The following ASTN2 variants were observed in gnomAD, a reference collection of about 807,000 sequenced individuals.
ASTN2 encodes astrotactin 2.
ASTN2 carries 54 observed loss-of-function variants against 139.8 expected under a neutral mutation model. That is an observed-to-expected ratio of 0.39 (90% confidence interval 0.31 to 0.48). The LOEUF is 0.48. ASTN2 is among the 20% of genes least tolerant of loss of function. ASTN2 has a pLI of 0.95. For synonymous variants in ASTN2, 756 were observed against 719.5 expected (o/e 1.05, Z -0.81); for missense variants, 1,565 against 1,725.1 (o/e 0.91, Z 1.64).
chr9:116,535,521 T>A (rs2119317531), intron 19 of ASTN2, among the ~76,000 whole-genome samples: 1 of 152,306 alleles, frequency 6.6e-6, no homozygotes. Context: ...GTTTAGTTCT[T>A]CCTTCAGGAG....
chr9:116,478,561 C>G (rs1849066487), intron 20 of ASTN2, among the ~76,000 whole-genome samples: 1 of 152,244 alleles, frequency 6.6e-6, no homozygotes, highest in South Asian at 2.1e-4. Context: ...GCCCACTGAG[C>G]AGGTTGGGTC....
At chr9:116,623,427 C>G (rs930654986) in intron 17 of ASTN2, among the ~76,000 whole-genome samples, 1 of 152,078 alleles carries the variant, frequency 6.6e-6, no homozygotes, top group African/African-American at 2.4e-5. Context: ...GATAAAAGGC[C>G]AGCATCAAAC....
At chr9:116,643,124 G>A (rs180772356) in intron 17 of ASTN2, among the ~76,000 whole-genome samples, 1 of 152,286 alleles carries the variant, frequency 6.6e-6, no homozygotes, top group Admixed American at 6.5e-5. Flanking sequence ...CAAATGTGTT[G>A]TAGGGGGACA....
intron 3 of ASTN2, among the ~76,000 whole-genome samples, chr9:117,195,282 A>G (rs1420085698): frequency 1.3e-5 from 2 of 152,188 alleles, no homozygotes; most frequent in East Asian, 3.9e-4. Flanking sequence ...AGATTGGGGA[A>G]GGAAAGAGGG....
chr9:117,321,180 G>A (rs949927684), intron 1 of ASTN2, among the ~76,000 whole-genome samples: 6 of 152,224 alleles, frequency 3.9e-5, no homozygotes, highest in African/African-American at 1.2e-4. Context: ...TTGAACAGTG[G>A]CTGTCATACA....
intron 3 of ASTN2, among the ~76,000 whole-genome samples, chr9:117,170,636 T>C (rs1471381053): frequency 6.6e-6 from 1 of 152,016 alleles, no homozygotes; most frequent in East Asian, 1.9e-4. Flanking sequence ...GGAGACCTTA[T>C]GGGGAAAGTA....
chr9:116,954,409 T>C (rs1490175936), intron 10 of ASTN2, among the ~76,000 whole-genome samples: 1 of 152,186 alleles, frequency 6.6e-6, no homozygotes. Flanking sequence ...ATAATCTACA[T>C]TTCAAATAAG....
intron 19 of ASTN2, among the ~76,000 whole-genome samples, chr9:116,617,965 C>G (rs983392255): frequency 2.0e-5 from 3 of 152,172 alleles, no homozygotes; most frequent in Non-Finnish European, 4.4e-5. Flanking sequence ...GTGTGAATTT[C>G]CTTACCTCAG....
intron 19 of ASTN2, among the ~76,000 whole-genome samples, chr9:116,586,621 T>C (rs749109950): frequency 6.6e-6 from 1 of 151,820 alleles, no homozygotes; most frequent in South Asian, 2.1e-4. Context: ...ATAGCAACAA[T>C]AGACACTGGG....
intron 13 of ASTN2, among the ~76,000 whole-genome samples, chr9:116,739,299 A>C (rs977402071): frequency 1.3e-5 from 2 of 152,150 alleles, no homozygotes; most frequent in Non-Finnish European, 2.9e-5. Context: ...TGTTGCATTG[A>C]GGTCTACAAG....
At chr9:116,557,266 G>A (rs1852680033) in intron 19 of ASTN2, among the ~76,000 whole-genome samples, 2 of 143,774 alleles carry the variant, frequency 1.4e-5, no homozygotes, top group Admixed American at 1.4e-4. Flanking sequence ...AAAAAATTCA[G>A]TGATATAGTG....
rs186497781 is a variant in ASTN2 at position 117,163,105 on chromosome 9, G to A, written c.1016-21627C>T. On this transcript the variant is annotated intron_variant, in intron 3 of 22. Transcript: ENST00000313400. The stretch of plus-strand genomic sequence containing the variant: ...CTCCATCTACACGGAAGCCCCAGAG[G>A]GGTTACAAACAGTAGCTAAAAAGTA... Among the ~76,000 whole-genome samples, 295 of 152,126 alleles carry A rather than the reference G, an allele frequency of 1.9e-3. 2 individuals are homozygous for A. Among genetic ancestry groups the A allele is most frequent in the African/African-American group, 6.8e-3 (284 of 41,534 alleles).
intron 19 of ASTN2, among the ~76,000 whole-genome samples, chr9:116,588,575 T>C (rs891793898): frequency 3.3e-5 from 5 of 152,196 alleles, no homozygotes; most frequent in South Asian, 2.1e-4. Flanking sequence ...TGATCTTGGA[T>C]ATGTTACTTA....
chr9:116,524,312 C>T (rs764889514), intron 19 of ASTN2, among the ~76,000 whole-genome samples: 1 of 152,122 alleles, frequency 6.6e-6, no homozygotes. Context: ...ACTCGATTGA[C>T]TGGAAGGCAA....
intron 16 of ASTN2, among the ~76,000 whole-genome samples, chr9:116,677,249 G>T (rs1463405745): frequency 6.6e-6 from 1 of 151,944 alleles, no homozygotes; most frequent in Non-Finnish European, 1.5e-5. Context: ...GAGGCACTAA[G>T]ATAACTTCTC....
intron 7 of ASTN2, among the ~76,000 whole-genome samples, chr9:116,995,018 G>C (rs1337951904): frequency 6.6e-6 from 1 of 152,128 alleles, no homozygotes; most frequent in Non-Finnish European, 1.5e-5. Flanking sequence ...GTGTAGGAAG[G>C]GTCAGCAAAG....
intron 2 of ASTN2, among the ~76,000 whole-genome samples, chr9:117,221,792 C>A (rs113185493): frequency 6.6e-6 from 1 of 150,478 alleles, no homozygotes. Flanking sequence ...AGGCCCCAGT[C>A]TATGTTTAAG....
chr9:116,651,566 G>C lies in ASTN2; in HGVS notation c.3034C>G (p.Pro1012Ala), dbSNP rs750083339. Residue 1012 changes from proline to alanine, a missense_variant, in exon 17 of 23, where the codon CCA becomes GCA. This residue lies in a region of ASTN2 where 418 missense variants were observed against 465.8 expected (regional missense o/e 0.90). Transcript: ENST00000313400. ...TTGTCTTGGATGAGGGTATAAAGTG[G>C]CACCACACGGTTGATTTCCAGCAGC... ...PVLLEINRVV[P>A]LYTLIQDNGT... 1 of 1,614,162 alleles carries C rather than the reference G, an allele frequency of 6.2e-7. No homozygotes were observed. Among genetic ancestry groups the C allele is most frequent in the South Asian group, 1.1e-5 (1 of 91,082 alleles).
At chr9:117,061,259 G>A (rs532261586) in intron 5 of ASTN2, among the ~76,000 whole-genome samples, 1 of 151,978 alleles carries the variant, frequency 6.6e-6, no homozygotes, top group East Asian at 1.9e-4. Context: ...GTATCCTGTG[G>A]CCAGCACTCA....
Sources: gnomAD v4.1 joint callset for allele counts (sites outside exome capture counted in the v4.1 genomes callset) on GRCh38, gnomAD v4.1.1 for gene constraint, gnomAD v4.1.1 regional missense constraint, MANE v1.5 for transcripts, NCBI Gene and HGNC (gene_info 2026-07-23, HGNC 2026-07-21) for gene names.